Variants in SEMA6D observed in about 807,000 individuals in gnomAD.
The protein encoded by SEMA6D is semaphorin 6D.
Under a neutral mutation model 106.6 loss-of-function variants are expected in SEMA6D, and 35 were observed. The observed-to-expected ratio is 0.33, with a 90% CI of 0.25 to 0.44. The LOEUF is 0.44. Ranked by LOEUF, SEMA6D falls within the 20% of genes least tolerant of loss-of-function variation. The pLI is 1.00. For missense variants in SEMA6D, 1,185 were observed against 1,345.9 expected (o/e 0.88, Z 1.87); for synonymous variants, 499 against 487.7 (o/e 1.02, Z -0.31).
chr15:47,375,193 C>T (rs559200830), intron 1 of SEMA6D, among the ~76,000 whole-genome samples: 3 of 152,186 alleles, frequency 2.0e-5, no homozygotes, highest in Middle Eastern at 3.2e-3. Context: ...ATTTACCTGG[C>T]TCTGAAAAGA....
At chr15:47,543,428 C>A (rs1447462018) in intron 3 of SEMA6D, among the ~76,000 whole-genome samples, 1 of 152,146 alleles carries the variant, frequency 6.6e-6, no homozygotes, top group Non-Finnish European at 1.5e-5. Flanking sequence ...ACTCTCTTGC[C>A]TGCCACCATG....
chr15:47,756,723 C>T (rs1228836318), intron 1 of SEMA6D, among the ~76,000 whole-genome samples: 1 of 152,202 alleles, frequency 6.6e-6, no homozygotes, highest in Middle Eastern at 3.4e-3. Flanking sequence ...CCTGATATAT[C>T]TTCTTATGTA....
At chr15:47,466,193 C>T (rs970970338) in intron 2 of SEMA6D, among the ~76,000 whole-genome samples, 5 of 152,082 alleles carry the variant, frequency 3.3e-5, no homozygotes, top group Non-Finnish European at 7.3e-5. Context: ...ACTGTATATG[C>T]AAATGACAAG....
In SEMA6D at chr15:47,727,643, G is replaced by A. The variant is rs149437254; in HGVS notation, c.-55+9951G>A. Among the ~76,000 whole-genome samples the A allele has an allele frequency of 8.6e-3, 1,310 of 152,244 alleles. 10 individuals are homozygous for A. The highest frequency in any genetic ancestry group is 0.016 in the Admixed American group (244 of 15,288). Reference sequence around the variant, plus strand: ...AAGAAAGTAATAAAATCTGCTCAGAGCTAAAGTGGCTTCCCCCCCAACCCC... The same window carrying A: ...AAGAAAGTAATAAAATCTGCTCAGAACTAAAGTGGCTTCCCCCCCAACCCC... On this transcript the variant is annotated intron_variant, in intron 1 of 18. Coordinates refer to ENST00000536845, the MANE Select transcript of SEMA6D (RefSeq NM_001358351.3).
intron 13 of SEMA6D, chr15:47,765,579 A>T (rs961594923): frequency 3.6e-6 from 2 of 552,518 alleles, no homozygotes; most frequent in Admixed American, 4.8e-5. Context: ...ATATGCATTA[A>T]AGCACGATCC....
At chr15:47,367,678 A>ACACG (rs1555428921) in intron 1 of SEMA6D, among the ~76,000 whole-genome samples, 3 of 137,590 alleles carry the variant, frequency 2.2e-5, no homozygotes, top group South Asian at 2.3e-4. Flanking sequence ...GCACGCTCAC[A>ACACG]CGCGCGCGCG....
At chr15:47,756,189 G>A (rs182704877) in intron 1 of SEMA6D, among the ~76,000 whole-genome samples, 11 of 152,296 alleles carry the variant, frequency 7.2e-5, no homozygotes, top group South Asian at 2.1e-4. Context: ...CTAAGCTTGC[G>A]TGTGAGGAAG....
chr15:47,410,013 G>T (rs1322308270), intron 1 of SEMA6D, among the ~76,000 whole-genome samples: 2 of 152,012 alleles, frequency 1.3e-5, no homozygotes, highest in Non-Finnish European at 2.9e-5. Flanking sequence ...TTTAAACAGG[G>T]TCTGACTCTG....
At chr15:47,248,688 A>G (rs947501048) in intron 1 of SEMA6D, among the ~76,000 whole-genome samples, 2 of 152,168 alleles carry the variant, frequency 1.3e-5, no homozygotes, top group African/African-American at 4.8e-5. Flanking sequence ...GTTTTATTAT[A>G]TTATTCCACT....
At chr15:47,525,629 C>T (rs60953183) in intron 3 of SEMA6D, among the ~76,000 whole-genome samples, 2 of 152,138 alleles carry the variant, frequency 1.3e-5, no homozygotes, top group Non-Finnish European at 2.9e-5. Flanking sequence ...AGCCTCACTT[C>T]TAATATAATT....
At chr15:47,583,755 A>G (rs1021383393) in intron 3 of SEMA6D, among the ~76,000 whole-genome samples, 1 of 152,174 alleles carries the variant, frequency 6.6e-6, no homozygotes, top group African/African-American at 2.4e-5. Flanking sequence ...ATGGCTTACA[A>G]GTCTTCTGGG....
At chr15:47,496,915 G>T (rs11633464) in intron 3 of SEMA6D, among the ~76,000 whole-genome samples, 38,564 of 151,816 alleles carry the variant, frequency 0.25, 5,308 homozygotes, top group Middle Eastern at 0.44. Context: ...ACTTTTTGCT[G>T]CCTCTCCTCT....
chr15:47,430,331 T>C (rs1215061803), intron 2 of SEMA6D, among the ~76,000 whole-genome samples: 1 of 152,080 alleles, frequency 6.6e-6, no homozygotes, highest in African/African-American at 2.4e-5. Flanking sequence ...CCATTTTTAT[T>C]TGCATGGTTG....
At chr15:47,746,980 G>GTATATATATATATATATATA (rs752559574) in intron 1 of SEMA6D, among the ~76,000 whole-genome samples, 1 of 116,700 alleles carries the variant, frequency 8.6e-6, no homozygotes, top group Non-Finnish European at 1.7e-5. Flanking sequence ...CTGTGTGTGT[G>GTATATATATATATATATATA]TGTGTATATA....
At chr15:47,421,069 G>A (rs2041138270) in intron 2 of SEMA6D, among the ~76,000 whole-genome samples, 2 of 152,158 alleles carry the variant, frequency 1.3e-5, no homozygotes, top group Non-Finnish European at 2.9e-5. Flanking sequence ...GATGATACGA[G>A]TCAGTGAAGA....
rs988870776 is a variant in SEMA6D, at chr15:47,772,297, G to A, written c.*512G>A. ...AATTCAATCTTTGACCCAAGCTGTA[G>A]CATTTTTTTTTCATGTGTGGCATCT... On this transcript the variant is annotated 3_prime_UTR_variant, in exon 19 of 19. Coordinates refer to ENST00000536845, the MANE Select transcript of SEMA6D (RefSeq NM_001358351.3). The A allele has an allele frequency of 3.2e-5, 5 of 154,704 alleles. No individual in the cohort carries two copies. Among genetic ancestry groups the A allele is most frequent in the African/African-American group, 7.4e-5 (3 of 40,732 alleles). The allele number at this position is 154,704 out of a possible 1,614,324, so 9.6% of individuals were successfully genotyped here. A position where few individuals can be genotyped will look rare whatever the true frequency, so the allele number is the denominator to read the frequency against.
At chr15:47,696,688 G>A (rs1426811591) in intron 4 of SEMA6D, among the ~76,000 whole-genome samples, 2 of 152,142 alleles carry the variant, frequency 1.3e-5, no homozygotes, top group Non-Finnish European at 2.9e-5. Context: ...AATTTTGTAG[G>A]TGAGAAACTG....
At chr15:47,525,910 A>C (rs1043342947) in intron 3 of SEMA6D, among the ~76,000 whole-genome samples, 2 of 152,186 alleles carry the variant, frequency 1.3e-5, no homozygotes, top group Non-Finnish European at 2.9e-5. Flanking sequence ...ATAAAAAAAC[A>C]AAGGCGAAAC....
intron 3 of SEMA6D, among the ~76,000 whole-genome samples, chr15:47,522,252 CAA>C (rs1292911664): frequency 6.6e-6 from 1 of 152,188 alleles, no homozygotes; most frequent in Non-Finnish European, 1.5e-5. Flanking sequence ...AATCACATTT[CAA>C]ACTCATGTCT....
Sources: allele counts gnomAD v4.1 joint callset (sites outside exome capture counted in the v4.1 genomes callset), GRCh38; gene constraint gnomAD v4.1.1; transcripts MANE v1.5; gene names NCBI Gene and HGNC (gene_info 2026-07-23, HGNC 2026-07-21).